ATP2A2: variants seen among roughly 807,000 people sequenced by gnomAD.
ATP2A2 encodes sarcoplasmic/endoplasmic reticulum calcium ATPase 2.
ATP2A2 carries 14 observed loss-of-function variants against 109.3 expected under a neutral mutation model. The observed-to-expected ratio is 0.13, with a 90% CI of 0.08 to 0.20. The LOEUF (loss-of-function observed/expected upper bound fraction) is 0.20. ATP2A2 is among the 10% of genes least tolerant of loss of function. The pLI, the probability that ATP2A2 is intolerant of heterozygous loss-of-function variation, is 1.00. For synonymous variants in ATP2A2, 506 were observed against 490.9 expected, an observed-to-expected ratio of 1.03 and a Z score of -0.41; for missense variants, 657 against 1,321.6, an observed-to-expected ratio of 0.50 and a Z score of 7.80.
chr12:110,283,393 C>A (rs1279652582), intron 3 of ATP2A2, among the ~76,000 whole-genome samples: 1 of 152,090 alleles, frequency 6.6e-6, no homozygotes, highest in South Asian at 2.1e-4. Context: ...ACAGTTGGTT[C>A]TAGATCTTAA....
At chr12:110,334,357 C>T (rs773606986) in intron 11 of ATP2A2, 13 of 637,666 alleles carry the variant, frequency 2.0e-5, no homozygotes, top group East Asian at 3.1e-5. Flanking sequence ...TTTCCTTGAG[C>T]GACCCTCTGG....
At chr12:110,310,658 T>TTAACA (rs147757148) in intron 5 of ATP2A2, among the ~76,000 whole-genome samples, 1,538 of 152,356 alleles carry the variant, frequency 0.01, 6 homozygotes, top group African/African-American at 0.013. Context: ...CAACACAATC[T>TTAACA]TAAAATTGCA....
chr12:110,319,288 C>T (rs2137793427), intron 5 of ATP2A2, among the ~76,000 whole-genome samples: 1 of 147,530 alleles, frequency 6.8e-6, no homozygotes, highest in South Asian at 2.2e-4. Flanking sequence ...TAATCATACT[C>T]TTAAAGAATC....
intron 3 of ATP2A2, among the ~76,000 whole-genome samples, chr12:110,286,085 G>A (rs1376302287): frequency 1.3e-5 from 2 of 151,860 alleles, no homozygotes; most frequent in East Asian, 1.9e-4. Context: ...CACCACGCCC[G>A]GCTAATTTTT....
intron 5 of ATP2A2, among the ~76,000 whole-genome samples, chr12:110,320,025 T>C (rs1293189297): frequency 6.6e-6 from 1 of 152,110 alleles, no homozygotes; most frequent in Non-Finnish European, 1.5e-5. Context: ...TCCAAGCATT[T>C]TGGGTAAGGG....
chr12:110,302,807 C>T (rs1874824126), intron 5 of ATP2A2, among the ~76,000 whole-genome samples: 2 of 152,098 alleles, frequency 1.3e-5, no homozygotes, highest in South Asian at 4.2e-4. Context: ...CCATATTGGC[C>T]AGGCTGGTCT....
intron 3 of ATP2A2, among the ~76,000 whole-genome samples, chr12:110,289,046 T>C (rs1420425574): frequency 5.3e-5 from 8 of 152,220 alleles, no homozygotes; most frequent in South Asian, 4.1e-4. Context: ...TTTTGGGCTG[T>C]AGTATTTTAA....
intron 5 of ATP2A2, among the ~76,000 whole-genome samples, chr12:110,312,045 G>A (rs1258920779): frequency 1.3e-5 from 2 of 152,088 alleles, no homozygotes; most frequent in Admixed American, 1.3e-4. Context: ...TGGGCATGTT[G>A]ACGTGCTCCT....
At chr12:110,332,373 G>A (rs1049964236) in intron 8 of ATP2A2, 5 of 550,048 alleles carry the variant, frequency 9.1e-6, no homozygotes, top group South Asian at 2.0e-5. Context: ...CATACTGTTC[G>A]ATTGGTCGGG....
chr12:110,321,230 A>G (rs1311337574), intron 5 of ATP2A2, among the ~76,000 whole-genome samples: 2 of 152,248 alleles, frequency 1.3e-5, no homozygotes, highest in Non-Finnish European at 2.9e-5. Context: ...TCTGTCTCTG[A>G]AAAGAAAATA....
At chr12:110,290,336 A>G (rs1873129738) in intron 3 of ATP2A2, among the ~76,000 whole-genome samples, 1 of 152,092 alleles carries the variant, frequency 6.6e-6, no homozygotes, top group Non-Finnish European at 1.5e-5. Flanking sequence ...TTCCCGGCCT[A>G]GAATTAAACA....
Position 110,349,828 on chromosome 12 carries a change from G to T in ATP2A2, c.*3358G>T. On this transcript the variant is annotated 3_prime_UTR_variant, in exon 20 of 20. Coordinates refer to ENST00000539276, the MANE Select transcript of ATP2A2 (RefSeq NM_170665.4). ...TTCACCCTCCTTTACTGAGGAGAAT[G>T]ATGCGGAGGAGTTTCCTCTCCAGGG... 13 of 1,042,802 alleles carry T rather than the reference G, an allele frequency of 1.2e-5. No individual in the cohort carries two copies. The highest frequency in any genetic ancestry group is 1.5e-5 in the Non-Finnish European group (13 of 864,252). 64.6% of individuals were successfully genotyped at this position (1,042,802 alleles called of 1,614,324 possible).
In ATP2A2 at chr12:110,281,807, C is replaced by A. The variant is rs2137670544; in HGVS notation, c.18C>A (p.Thr6=). Residue 6 remains threonine (T), a synonymous_variant, in exon 1 of 20, where the codon ACC becomes ACA. Coordinates refer to ENST00000539276, the MANE Select transcript of ATP2A2 (RefSeq NM_170665.4). ...CCGAAGCCATGGAGAACGCGCACAC[C>A]AAGACGGTGGAGGAGGTGCTGGGCC... MENAH[T]KTVEEVLGHF... is the part of the protein sequence containing the mutation. The A allele has an allele frequency of 6.5e-7, 1 of 1,542,086 alleles. No individual in the cohort carries two copies. The highest frequency in any genetic ancestry group is 2.5e-5 in the East Asian group (1 of 39,750).
chr12:110,337,880 A>G (rs1400548732), intron 11 of ATP2A2, among the ~76,000 whole-genome samples: 3 of 152,266 alleles, frequency 2.0e-5, no homozygotes, highest in Non-Finnish European at 2.9e-5. Flanking sequence ...TCTATGCAGT[A>G]TTATACTGGC....
At chr12:110,282,054 G>T (rs1000109161) in intron 1 of ATP2A2, 147 bp downstream of exon 1, 7 of 558,478 alleles carry the variant, frequency 1.3e-5, no homozygotes, top group African/African-American at 1.2e-4. Context: ...GGCCCCGCGG[G>T]AGAGAAAGGG....
intron 18 of ATP2A2, chr12:110,345,610 G>T (rs1011804701): frequency 3.3e-5 from 23 of 696,572 alleles, no homozygotes; most frequent in Admixed American, 2.7e-4. Flanking sequence ...AAGAAACCGT[G>T]GGGGCCAAAA....
rs186741403 is a variant in ATP2A2 at position 110,339,734 on chromosome 12, A to C, written c.1761+13A>C. ...TATTAAATATGAGGTTAGCTAATGA[A>C]AAGTTTCTTTGTCCACACCCTGCAC... On this transcript the variant is annotated intron_variant, in intron 13 of 19. Coordinates refer to ENST00000539276, the MANE Select transcript of ATP2A2 (RefSeq NM_170665.4). The surrounding 1 kb of genome is among the most constrained non-coding windows in gnomAD (Gnocchi z 4.4). 4.3e-6 allele frequency: 7 copies of C among 1,612,846 alleles called. No individual in the cohort carries two copies. In the Admixed American group the frequency reaches 6.7e-5, roughly 15 times the overall value.
At position 110,349,189 on chromosome 12, in the gene ATP2A2, C is replaced by G. The variant is rs914206471; in HGVS notation, c.*2719C>G. The G allele has an allele frequency of 1.0e-6, 1 of 985,492 alleles. No individual in the cohort carries two copies. The highest frequency in any genetic ancestry group is 1.2e-6 in the Non-Finnish European group (1 of 830,074). 61.0% of individuals were successfully genotyped at this position (985,492 alleles called of 1,614,324 possible). ...CTGAAGGCTTTGCTGGGTGAAAACA[C>G]TTCAGCATCTCCTCCTCAGGTCAAC... On this transcript the variant is annotated 3_prime_UTR_variant, in exon 20 of 20. Transcript: ENST00000539276.
In ATP2A2 at chr12:110,347,574, G is replaced by GTGTA; in HGVS notation, c.*1108_*1111dup. 8.0e-7 allele frequency: 1 copy of GTGTA among 1,252,456 alleles called. No individual in the cohort carries two copies. The highest frequency in any genetic ancestry group is 1.0e-6 in the Non-Finnish European group (1 of 967,378). 77.6% of individuals were successfully genotyped at this position (1,252,456 alleles called of 1,614,324 possible). A position where few individuals can be genotyped will look rare whatever the true frequency, so the allele number is the denominator to read the frequency against. On this transcript the variant is annotated 3_prime_UTR_variant, in exon 20 of 20. Coordinates refer to ENST00000539276, the MANE Select transcript of ATP2A2 (RefSeq NM_170665.4). ...AACATAAGGGCAAGTGTGTATGTGTGTGTATGTGTGTGTTTTGTAAAATCT... is the reference window on the plus strand; with the variant it reads ...AACATAAGGGCAAGTGTGTATGTGTGTGTATGTATGTGTGTGTTTTGTAAAATCT...
Sources: allele counts gnomAD v4.1 joint callset (sites outside exome capture counted in the v4.1 genomes callset), GRCh38; gene constraint gnomAD v4.1.1; non-coding constraint Gnocchi (gnomAD v3.1); transcripts MANE v1.5; gene names NCBI Gene and HGNC (gene_info 2026-07-23, HGNC 2026-07-21).